Variants in AP2B1 observed in about 807,000 individuals in gnomAD.
AP2B1 encodes AP-2 complex subunit beta.
In AP2B1, 23 loss-of-function variants were observed where a neutral mutation model predicts 102.0. The ratio of observed to expected loss-of-function variants is 0.23; its 90% CI spans 0.16 to 0.32. The LOEUF (loss-of-function observed/expected upper bound fraction) is 0.32, where lower values mean the gene tolerates loss of function less well. AP2B1 is among the 10% of genes least tolerant of loss of function. The pLI is 1.00. For missense variants in AP2B1, 541 were observed against 1,157.4 expected (o/e 0.47, Z 7.73); for synonymous variants, 381 against 421.2 (o/e 0.90, Z 1.17).
chr17:35,681,797 G>A (rs150650314), intron 17 of AP2B1, among the ~76,000 whole-genome samples: 4 of 152,226 alleles, frequency 2.6e-5, no homozygotes, highest in South Asian at 2.1e-4. Context: ...CTCTAGTGAC[G>A]TTTTAAAGAG....
Position 35,725,138 on chromosome 17 carries a change from G to A in AP2B1, c.*1439G>A, listed in dbSNP as rs2240903. On this transcript the variant is annotated 3_prime_UTR_variant, in exon 22 of 22. Coordinates refer to ENST00000610402, the MANE Select transcript of AP2B1 (RefSeq NM_001030006.2). ...AGTTCCTGTCATCTCTGAAAAGACT[G>A]GGGGATATGAAATCTTCCCCCTACC... 3,671 of 152,234 alleles carry A rather than the reference G, an allele frequency of 0.024. 136 individuals carry two copies. Among genetic ancestry groups the A allele is most frequent in the East Asian group, 0.19 (967 of 5,178 alleles). The allele number at this position is 152,234 out of a possible 1,614,324, so 9.4% of individuals were successfully genotyped here. A position where few individuals can be genotyped will look rare whatever the true frequency, so the allele number is the denominator to read the frequency against.
At chr17:35,623,950 T>A (rs2074250947) in intron 5 of AP2B1, among the ~76,000 whole-genome samples, 1 of 152,182 alleles carries the variant, frequency 6.6e-6, no homozygotes, top group Non-Finnish European at 1.5e-5. Context: ...AGACTTGTAG[T>A]ATGATTAATG....
At chr17:35,705,842 G>T (rs974227987) in intron 18 of AP2B1, among the ~76,000 whole-genome samples, 1 of 152,004 alleles carries the variant, frequency 6.6e-6, no homozygotes, top group Non-Finnish European at 1.5e-5. Flanking sequence ...GTGCCCAGCC[G>T]AATTTTTCTT....
At chr17:35,629,810 A>C (rs2074413979) in intron 9 of AP2B1, among the ~76,000 whole-genome samples, 1 of 152,168 alleles carries the variant, frequency 6.6e-6, no homozygotes, top group African/African-American at 2.4e-5. Context: ...TAGAGGGCAG[A>C]TTGGTTTCTA....
intron 14 of AP2B1, among the ~76,000 whole-genome samples, chr17:35,660,366 G>A (rs561214369): frequency 2.0e-5 from 3 of 152,208 alleles, no homozygotes; most frequent in Admixed American, 2.0e-4. Context: ...TGGTCCATGG[G>A]CCACATTTTG....
At chr17:35,621,224 C>T (rs1419238876) in intron 5 of AP2B1, 1 of 732,052 alleles carries the variant, frequency 1.4e-6, no homozygotes, top group Non-Finnish European at 1.7e-6. Context: ...CATGTACTCT[C>T]TAGCCACCCA....
intron 9 of AP2B1, among the ~76,000 whole-genome samples, chr17:35,629,018 G>A (rs1243331616): frequency 1.3e-5 from 2 of 151,348 alleles, no homozygotes; most frequent in African/African-American, 2.4e-5. Context: ...GTATGATCTC[G>A]GCTCACTGCA....
chr17:35,722,332 A>G (rs1555593437), intron 21 of AP2B1, among the ~76,000 whole-genome samples: 2 of 152,202 alleles, frequency 1.3e-5, no homozygotes, highest in Admixed American at 6.5e-5. Flanking sequence ...TGTTTTCTAT[A>G]TATAAGGAAT....
intron 12 of AP2B1, 31 bp downstream of exon 12, chr17:35,642,006 TTTGTC>T (rs2074795973): frequency 6.6e-7 from 1 of 1,513,432 alleles, no homozygotes; most frequent in Admixed American, 1.7e-5. Context: ...AAGATGTTGA[TTTGTC>T]TTGTTTCAAA....
At chr17:35,713,496 G>A (rs1283427675) in intron 20 of AP2B1, among the ~76,000 whole-genome samples, 2 of 152,070 alleles carry the variant, frequency 1.3e-5, no homozygotes, top group African/African-American at 2.4e-5. Context: ...TAACATGAAC[G>A]TTTTTGGCTT....
intron 9 of AP2B1, among the ~76,000 whole-genome samples, chr17:35,628,494 T>C (rs2074375946): frequency 6.6e-6 from 1 of 152,188 alleles, no homozygotes. Context: ...TCCCAGCTAC[T>C]TGGAAGGCTG....
chr17:35,671,911 A>G lies in AP2B1; in HGVS notation c.2178+11A>G, dbSNP rs1463362896. On this transcript the variant is annotated intron_variant, in intron 16 of 21. Coordinates refer to ENST00000610402, the MANE Select transcript of AP2B1 (RefSeq NM_001030006.2). The stretch of plus-strand genomic sequence containing the variant: ...GTGGCTCCTAAGGCTGTAAGTAAAG[A>G]GTTAACATAGCAATACTTTCTTAAT... 4 of 1,613,346 alleles carry G rather than the reference A, an allele frequency of 2.5e-6. No homozygotes were observed. The East Asian group carries it at 6.7e-5, about 27-fold the overall frequency.
chr17:35,674,176 G>T lies in AP2B1; in HGVS notation c.2179G>T (p.Val727Phe). The change falls in exon 17 of 22, where the codon GTC becomes TTC. Residue 727 changes from valine (V) to phenylalanine (F), a missense_variant and splice_region_variant. By Grantham distance (50) the Val-to-Phe change is conservative. Around this residue, in one of 10 missense-constraint regions of AP2B1, gnomAD observed 62 missense variants for 87.6 expected, o/e 0.71. Coordinates refer to ENST00000610402, the MANE Select transcript of AP2B1 (RefSeq NM_001030006.2). ...APGGYVAPKAVWLPAVKAKGL... is the reference protein window; with the variant it reads ...APGGYVAPKAFWLPAVKAKGL... ...TATTGAGCTTTATACTGTGTTTCAGGTCTGGCTACCTGCAGTAAAGGCTAA... is the reference window on the plus strand; with the variant it reads ...TATTGAGCTTTATACTGTGTTTCAGTTCTGGCTACCTGCAGTAAAGGCTAA... 6.2e-7 allele frequency: 1 copy of T among 1,613,946 alleles called. No homozygotes were observed. The highest frequency in any genetic ancestry group is 8.5e-7 in the Non-Finnish European group (1 of 1,179,888).
Position 35,629,452 on chromosome 17 carries a change from C to G in AP2B1, c.1155+1726C>G, listed in dbSNP as rs554520998. ...TCTGCACATCATTCCATACAGCCTCCCTATTTCTTGTTATTGGTATATTTT... is the reference window on the plus strand; with the variant it reads ...TCTGCACATCATTCCATACAGCCTCGCTATTTCTTGTTATTGGTATATTTT... On this transcript the variant is annotated intron_variant, in intron 9 of 21. Coordinates refer to ENST00000610402, the MANE Select transcript of AP2B1 (RefSeq NM_001030006.2). Among the ~76,000 whole-genome samples the G allele has an allele frequency of 3.9e-5, 6 of 152,180 alleles. No individual in the cohort carries two copies. In the East Asian group the frequency reaches 1.2e-3, roughly 29 times the overall value.
chr17:35,663,941 CTTAT>C (rs930260128), intron 14 of AP2B1, among the ~76,000 whole-genome samples: 9 of 152,206 alleles, frequency 5.9e-5, no homozygotes, highest in African/African-American at 2.2e-4. Context: ...TCATCTTATC[CTTAT>C]TTATTTATTT....
At chr17:35,630,155 G>GT (rs754713514) in intron 9 of AP2B1, among the ~76,000 whole-genome samples, 10 of 151,958 alleles carry the variant, frequency 6.6e-5, no homozygotes, top group East Asian at 1.9e-4. Context: ...GGCCTTCCTT[G>GT]TTTTTTTTCA....
chr17:35,710,410 C>A, intron 20 of AP2B1, 90 bp downstream of exon 20: 1 of 856,664 alleles, frequency 1.2e-6, no homozygotes, highest in Non-Finnish European at 1.9e-6. Context: ...ACCCTTTTAT[C>A]CTCCCCCGTA....
In AP2B1 at chr17:35,594,082, A is replaced by G. The variant is rs1300059811; in HGVS notation, c.37+15A>G. ...CAATAAAAAAGGTAAGTATGAGAAT[A>G]CAATCAAATCTTTTGAAATTTTCAA... On this transcript the variant is annotated intron_variant, in intron 2 of 21. Coordinates refer to ENST00000610402, the MANE Select transcript of AP2B1 (RefSeq NM_001030006.2). 1.3e-6 allele frequency: 2 copies of G among 1,569,242 alleles called. No homozygotes were observed. Among genetic ancestry groups the G allele is most frequent in the South Asian group, 2.3e-5 (2 of 85,476 alleles).
At chr17:35,618,279 G>T (rs575611700) in intron 5 of AP2B1, among the ~76,000 whole-genome samples, 1 of 152,166 alleles carries the variant, frequency 6.6e-6, no homozygotes, top group African/African-American at 2.4e-5. Context: ...AGGTCATTCT[G>T]TAAAGGAGAT....
Sources: gnomAD v4.1 joint callset for allele counts (sites outside exome capture counted in the v4.1 genomes callset) on GRCh38, gnomAD v4.1.1 for gene constraint, gnomAD v4.1.1 regional missense constraint, MANE v1.5 for transcripts, NCBI Gene and HGNC (gene_info 2026-07-23, HGNC 2026-07-21) for gene names.